Variants in PSMG4 observed in about 807,000 individuals in gnomAD.
PSMG4 encodes the protein proteasome (prosome, macropain) assembly chaperone 4.
PSMG4 carries 10 observed loss-of-function variants against 11.0 expected under a neutral mutation model. The ratio of observed to expected loss-of-function variants is 0.91; its 90% confidence interval spans 0.56 to 1.54. The LOEUF (loss-of-function observed/expected upper bound fraction) is 1.54. PSMG4 is among the 40% of genes most tolerant of loss of function. PSMG4 has a pLI of 0.00. For missense variants in PSMG4, 198 were observed against 160.9 expected, an observed-to-expected ratio of 1.23 and a Z score of -1.25; for synonymous variants, 95 against 71.3, an observed-to-expected ratio of 1.33 and a Z score of -1.68.
At chr6:3,264,164 C>T in intron 2 of PSMG4, 3 of 1,549,460 alleles carry the variant, frequency 1.9e-6, no homozygotes, top group Non-Finnish European at 2.6e-6. Flanking sequence ...CAGGTGTCAC[C>T]TCTGTGCAGG....
At chr6:3,254,549 A>C (rs4997136), upstream of PSMG4, among the ~76,000 whole-genome samples, 103,389 of 151,414 alleles carry the variant, frequency 0.68, 38,579 homozygotes, top group Non-Finnish European at 0.83. Context: ...AGGTGTGCAG[A>C]TTTGTTCTCG....
chr6:3,258,675 C>G (rs1293659104), upstream of PSMG4, among the ~76,000 whole-genome samples: 2 of 152,130 alleles, frequency 1.3e-5, no homozygotes, highest in Non-Finnish European at 2.9e-5. Context: ...GGAAACAAAG[C>G]GAGGGTGAGT....
rs571287202 is a variant in PSMG4 at position 3,264,595 on chromosome 6, A to G, written c.250+836A>G. The G allele has an allele frequency of 1.2e-3, 507 of 415,292 alleles. 3 individuals are homozygous for G. Among genetic ancestry groups the G allele is most frequent in the Middle Eastern group, 1.8e-3 (3 of 1,656 alleles). 25.7% of individuals were successfully genotyped at this position (415,292 alleles called of 1,614,324 possible). A position where few individuals can be genotyped will look rare whatever the true frequency, so the allele number is the denominator to read the frequency against. Reference sequence around the variant, plus strand: ...GGAGTGTCACCAGCAGGCCCATGACAGTATGTGGATAGGACAGAGGTCAGG... The same window carrying G: ...GGAGTGTCACCAGCAGGCCCATGACGGTATGTGGATAGGACAGAGGTCAGG... On this transcript the variant is annotated intron_variant, in intron 2 of 2. Transcript: ENST00000438998.
chr6:3,255,286 G>T, upstream of PSMG4: 13 of 1,534,712 alleles, frequency 8.5e-6, no homozygotes, highest in Non-Finnish European at 8.8e-6. Flanking sequence ...CGGGTCTATC[G>T]GTGCCCATCC....
chr6:3,260,833 C>T (rs1371562450), intron 1 of PSMG4, among the ~76,000 whole-genome samples: 2 of 152,214 alleles, frequency 1.3e-5, no homozygotes, highest in Admixed American at 6.5e-5. Context: ...CTGCTCAAAA[C>T]CTTTCACGAG....
chr6:3,263,519 CTTGG>C (rs1476810195), intron 1 of PSMG4, among the ~76,000 whole-genome samples, 161 bp from the exon 2 acceptor site: 1 of 152,222 alleles, frequency 6.6e-6, no homozygotes, highest in Non-Finnish European at 1.5e-5. Context: ...GGTCCACCTA[CTTGG>C]TTGTTGACGG....
At chr6:3,259,953 A>C (rs1308906454) in intron 1 of PSMG4, among the ~76,000 whole-genome samples, 1 of 152,122 alleles carries the variant, frequency 6.6e-6, no homozygotes, top group African/African-American at 2.4e-5. Flanking sequence ...ATTCTCAAAG[A>C]TCTGTAGACA....
intron 1 of PSMG4, among the ~76,000 whole-genome samples, chr6:3,262,792 GT>G (rs1554129916): frequency 4.3e-4 from 61 of 141,824 alleles, no homozygotes; most frequent in Admixed American, 1.2e-3. Context: ...ACCAATAAGT[GT>G]TTTTTTTTTC....
upstream of PSMG4, chr6:3,255,277 G>T: frequency 3.9e-6 from 6 of 1,539,910 alleles, no homozygotes; most frequent in Non-Finnish European, 5.3e-6. Flanking sequence ...GCTGTCTTAC[G>T]GGTCTATCGG....
At chr6:3,264,456 T>G in intron 2 of PSMG4, 1 of 1,428,550 alleles carries the variant, frequency 7.0e-7, no homozygotes, top group Non-Finnish European at 9.2e-7. Flanking sequence ...GTCTTCTCTG[T>G]GTCTCAGGCA....
At chr6:3,263,788 C>G (rs754645836) in intron 2 of PSMG4, 29 bp downstream of exon 2, 27 of 1,544,020 alleles carry the variant, frequency 1.7e-5, no homozygotes, top group Non-Finnish European at 2.2e-5. Flanking sequence ...CGCTGCATGG[C>G]CAGCCAGGTG....
At chr6:3,254,788 G>T (rs1757689733), upstream of PSMG4, among the ~76,000 whole-genome samples, 1 of 152,076 alleles carries the variant, frequency 6.6e-6, no homozygotes, top group South Asian at 2.1e-4. Flanking sequence ...CTGGCTGAAT[G>T]CTTGGGGTCA....
upstream of PSMG4, among the ~76,000 whole-genome samples, chr6:3,254,811 A>G (rs1581539193): frequency 2.0e-5 from 3 of 152,270 alleles, no homozygotes; most frequent in Middle Eastern, 6.8e-3. Flanking sequence ...GCAACAAGAC[A>G]CCAATTCTGG....
chr6:3,264,079 G>A, intron 2 of PSMG4: 1 of 1,462,328 alleles, frequency 6.8e-7, no homozygotes. Context: ...AGCATGAGAA[G>A]TGCCCACAGC....
upstream of PSMG4, chr6:3,255,156 C>G (rs1040455116): frequency 3.2e-6 from 5 of 1,550,890 alleles, no homozygotes; most frequent in Non-Finnish European, 4.4e-6. Context: ...AGGAGCAGGG[C>G]CATACTGACG....
chr6:3,258,925 C>T (rs1757853867), upstream of PSMG4: 4 of 1,155,898 alleles, frequency 3.5e-6, no homozygotes, highest in Non-Finnish European at 4.4e-6. Context: ...AAAGCGAAAG[C>T]GCGCTCGGTC....
upstream of PSMG4, chr6:3,255,254 C>T (rs1314408307): frequency 5.2e-6 from 8 of 1,547,936 alleles, no homozygotes; most frequent in Non-Finnish European, 7.0e-6. Flanking sequence ...CTGTTGGGTT[C>T]TGTGTTACCA....
upstream of PSMG4, among the ~76,000 whole-genome samples, chr6:3,256,158 A>T (rs1757758528): frequency 6.6e-6 from 1 of 152,220 alleles, no homozygotes; most frequent in Non-Finnish European, 1.5e-5. Context: ...TGTTTTTGAC[A>T]TGCTTGCTTG....
chr6:3,263,241 TGAG>T (rs1374916547), intron 1 of PSMG4, among the ~76,000 whole-genome samples: 3 of 152,218 alleles, frequency 2.0e-5, no homozygotes, highest in East Asian at 3.9e-4. Context: ...CAGGCTGAGA[TGAG>T]GAGATTAGGC....
Sources: gnomAD v4.1 joint callset for allele counts (sites outside exome capture counted in the v4.1 genomes callset) on GRCh38, gnomAD v4.1.1 for gene constraint, MANE v1.5 for transcripts, NCBI Gene and HGNC (gene_info 2026-07-23, HGNC 2026-07-21) for gene names.